Variants in MLLT10 observed in about 807,000 individuals in gnomAD.
MLLT10 encodes MLLT10 histone lysine methyltransferase DOT1L cofactor.
A neutral mutation model predicts 129.1 loss-of-function variants in MLLT10; 30 were observed. The observed-to-expected ratio is 0.23, with a 90% CI of 0.17 to 0.32. The LOEUF (loss-of-function observed/expected upper bound fraction) is 0.32, where lower values mean the gene tolerates loss of function less well. Ranked by LOEUF, MLLT10 falls within the 10% of genes least tolerant of loss-of-function variation. MLLT10 has a pLI of 1.00. For missense variants in MLLT10, 1,119 were observed against 1,268.3 expected (o/e 0.88, Z 1.79); for synonymous variants, 490 against 446.4 (o/e 1.10, Z -1.23).
At chr10:21,560,523 A>G (rs115580875) in intron 3 of MLLT10, among the ~76,000 whole-genome samples, 2,247 of 151,874 alleles carry the variant, frequency 0.015, 45 homozygotes, top group African/African-American at 0.05. Context: ...TGGAGCGTCA[A>G]CCTCCTGGGA....
At chr10:21,582,510 A>AT (rs1179071097) in intron 3 of MLLT10, among the ~76,000 whole-genome samples, 1 of 152,242 alleles carries the variant, frequency 6.6e-6, no homozygotes, top group African/African-American at 2.4e-5. Context: ...AAAAAACAGA[A>AT]TCAAGTGCTC....
At chr10:21,573,435 G>C (rs1258087898) in intron 3 of MLLT10, among the ~76,000 whole-genome samples, 1 of 152,152 alleles carries the variant, frequency 6.6e-6, no homozygotes, top group Non-Finnish European at 1.5e-5. Flanking sequence ...CAGCTGAGTA[G>C]CTTCCTGAGG....
rs551199376 is a variant in MLLT10, at chr10:21,573,465, AT to A, written c.241-12827del. Reference sequence around the variant, plus strand: ...CTGAGGGTTTGTGTCATGAATGGATATTGAGTTTTCTCAAAAGCTTTTTCTG... The same window carrying A: ...CTGAGGGTTTGTGTCATGAATGGATATGAGTTTTCTCAAAAGCTTTTTCTG... On this transcript the variant is annotated intron_variant, in intron 3 of 22. Coordinates refer to ENST00000307729, the MANE Select transcript of MLLT10 (RefSeq NM_001195626.3). 1.8e-4 allele frequency among the ~76,000 whole-genome samples: 28 copies of A among 152,298 alleles called. No homozygotes were observed. In the East Asian group the frequency reaches 5.2e-3, roughly 28 times the overall value.
At chr10:21,583,393 G>C (rs1297889217) in intron 3 of MLLT10, among the ~76,000 whole-genome samples, 1 of 152,146 alleles carries the variant, frequency 6.6e-6, no homozygotes, top group Non-Finnish European at 1.5e-5. Flanking sequence ...GTTTGATAGG[G>C]TGATCAGAAA....
chr10:21,625,487 C>A, intron 8 of MLLT10: 1 of 1,001,116 alleles, frequency 1.0e-6, no homozygotes, highest in South Asian at 1.3e-5. Flanking sequence ...TCAGCCCATT[C>A]AACTGTAACT....
chr10:21,636,632 T>C (rs1025592144), intron 8 of MLLT10, among the ~76,000 whole-genome samples: 2 of 151,836 alleles, frequency 1.3e-5, no homozygotes, highest in African/African-American at 4.8e-5. Context: ...TGGAGTGCAG[T>C]GGTGCGATCT....
At chr10:21,726,390 A>C in intron 15 of MLLT10, 35 bp downstream of exon 15, 1 of 1,409,044 alleles carries the variant, frequency 7.1e-7, no homozygotes. Context: ...CTAAAACCCT[A>C]CTCTCACCTA....
chr10:21,655,673 T>C (rs556084670), intron 9 of MLLT10, among the ~76,000 whole-genome samples: 2 of 152,216 alleles, frequency 1.3e-5, no homozygotes, highest in Non-Finnish European at 2.9e-5. Flanking sequence ...TAACTTGAGA[T>C]TTTTTTGCTG....
intron 13 of MLLT10, among the ~76,000 whole-genome samples, chr10:21,706,935 T>C (rs544707281): frequency 2.0e-5 from 3 of 152,268 alleles, no homozygotes; most frequent in African/African-American, 7.2e-5. Flanking sequence ...TTTGCTTCAG[T>C]GACACCACAG....
At chr10:21,541,975 A>G (rs1172765880) in intron 3 of MLLT10, among the ~76,000 whole-genome samples, 1 of 152,120 alleles carries the variant, frequency 6.6e-6, no homozygotes, top group Non-Finnish European at 1.5e-5. Flanking sequence ...TTACTCTTTG[A>G]CTTTTTTTTC....
upstream of MLLT10, chr10:21,534,165 C>G: frequency 2.6e-6 from 1 of 381,434 alleles, no homozygotes; most frequent in Non-Finnish European, 4.6e-6. Context: ...GCCAACAGGC[C>G]GCGGCAGCGC....
chr10:21,669,105 T>A lies in MLLT10; in HGVS notation c.796-1344T>A, dbSNP rs2051130581. ...ATGTAATTGGTTTGTAAAATGGGATTTTTTTTTTCCTTTTAAACTTACTTT... is the reference window on the plus strand; with the variant it reads ...ATGTAATTGGTTTGTAAAATGGGATATTTTTTTTCCTTTTAAACTTACTTT... On this transcript the variant is annotated intron_variant, in intron 9 of 22. Coordinates refer to ENST00000307729, the MANE Select transcript of MLLT10 (RefSeq NM_001195626.3). 3 of 1,280,636 alleles carry A rather than the reference T, an allele frequency of 2.3e-6. No individual in the cohort carries two copies. The African/African-American group carries it at 4.6e-5, about 20-fold the overall frequency. 79.3% of individuals were successfully genotyped at this position (1,280,636 alleles called of 1,614,324 possible). A position where few individuals can be genotyped will look rare whatever the true frequency, so the allele number is the denominator to read the frequency against.
intron 8 of MLLT10, among the ~76,000 whole-genome samples, chr10:21,634,499 C>A (rs1299397724): frequency 6.6e-6 from 1 of 152,234 alleles, no homozygotes; most frequent in Non-Finnish European, 1.5e-5. Context: ...TCTACCAGAT[C>A]TACTGTGAAG....
chr10:21,586,678 A>C (rs1158110537), intron 4 of MLLT10, among the ~76,000 whole-genome samples: 4 of 152,144 alleles, frequency 2.6e-5, no homozygotes, highest in Non-Finnish European at 5.9e-5. Context: ...ACCTGAGGTC[A>C]GGAGTCGAGA....
rs753501162 is a variant in MLLT10, at chr10:21,732,944, G to A, written c.2264G>A (p.Arg755Gln). ...TTACACCAACTTCAAGTTGAAAACC[G>A]AAGATTAGAGGAACAAATTAAAAAC... Reference protein sequence around the residue: ...KSLHQLQVENRRLEEQIKNLT... With the variant: ...KSLHQLQVENQRLEEQIKNLT... Residue 755 changes from arginine to glutamine, a missense_variant, in exon 18 of 23, where the codon CGA becomes CAA. Physicochemically the swap from Arg to Gln is conservative, Grantham distance 43. Around this residue, in one of 5 missense-constraint regions of MLLT10, gnomAD observed 1,004 missense variants for 1,008.7 expected, o/e 1.00. Coordinates refer to ENST00000307729, the MANE Select transcript of MLLT10 (RefSeq NM_001195626.3). 1.2e-5 allele frequency: 20 copies of A among 1,613,768 alleles called. No homozygotes were observed. Among genetic ancestry groups the A allele is most frequent in the Admixed American group, 8.3e-5 (5 of 59,970 alleles).
chr10:21,699,773 A>C (rs1270937686), intron 13 of MLLT10, among the ~76,000 whole-genome samples: 1 of 151,174 alleles, frequency 6.6e-6, no homozygotes. Context: ...TTTTTTGATT[A>C]CTGTAGCTTT....
chr10:21,717,203 A>G (rs1423877710), intron 14 of MLLT10, among the ~76,000 whole-genome samples: 1 of 143,292 alleles, frequency 7.0e-6, no homozygotes, highest in Non-Finnish European at 1.5e-5. Context: ...CGGTGAGCCA[A>G]GATCACGCCA....
intron 13 of MLLT10, chr10:21,688,381 C>A: frequency 1.2e-6 from 1 of 859,690 alleles, no homozygotes; most frequent in Non-Finnish European, 1.9e-6. Flanking sequence ...GATGATCCAC[C>A]CCCACACTGC....
intron 3 of MLLT10, among the ~76,000 whole-genome samples, chr10:21,576,982 A>G (rs2040835918): frequency 1.3e-5 from 2 of 152,266 alleles, no homozygotes; most frequent in South Asian, 4.1e-4. Context: ...ATTTTAGAAC[A>G]CTTGTATCCC....
Sources: gnomAD v4.1 joint callset for allele counts (sites outside exome capture counted in the v4.1 genomes callset) on GRCh38, gnomAD v4.1.1 for gene constraint, gnomAD v4.1.1 regional missense constraint, MANE v1.5 for transcripts, NCBI Gene and HGNC (gene_info 2026-07-23, HGNC 2026-07-21) for gene names.